Variants in RBFOX3 observed in about 807,000 individuals in gnomAD.
The protein encoded by RBFOX3 is RNA binding protein fox-1 homolog 3.
Under a neutral mutation model 48.7 loss-of-function variants are expected in RBFOX3, and 17 were observed. That is an observed-to-expected ratio of 0.35 (90% CI 0.24 to 0.52). RBFOX3 has a LOEUF of 0.52. Among genes scored for constraint, RBFOX3 ranks in the 20% least tolerant of loss-of-function variants. RBFOX3 has a pLI of 0.94. For missense variants in RBFOX3, 382 were observed against 497.5 expected, an observed-to-expected ratio of 0.77 and a Z score of 2.21; for synonymous variants, 212 against 209.5, an observed-to-expected ratio of 1.01 and a Z score of -0.10.
intron 1 of RBFOX3, among the ~76,000 whole-genome samples, chr17:79,495,297 CA>C (rs1182694465): frequency 1.7e-4 from 7 of 41,792 alleles, no homozygotes; most frequent in Non-Finnish European, 2.5e-4. Flanking sequence ...TCGTGAACAC[CA>C]TGGGGGAAGC....
chr17:79,463,813 C>G (rs2075935852), intron 2 of RBFOX3, among the ~76,000 whole-genome samples: 1 of 151,336 alleles, frequency 6.6e-6, no homozygotes, highest in Admixed American at 6.6e-5. Context: ...CCACTGCCAC[C>G]TCCACCGCCA....
At chr17:79,147,045 C>CCAGCCTCCGGGTGTCCCGGGGT (rs1295130061) in intron 4 of RBFOX3, among the ~76,000 whole-genome samples, 3 of 152,342 alleles carry the variant, frequency 2.0e-5, no homozygotes, top group South Asian at 2.1e-4. Context: ...AGAAACTGCA[C>CCAGCCTCCGGGTGTCCCGGGGT]CAGCCTCCGG....
Position 79,144,336 on chromosome 17 carries a change from G to A in RBFOX3, c.-33-28588C>T, listed in dbSNP as rs77163303. Among the ~76,000 whole-genome samples the A allele has an allele frequency of 4.5e-3, 680 of 152,084 alleles. 10 individuals carry two copies. The highest frequency in any genetic ancestry group is 0.015 in the African/African-American group (631 of 41,496). On this transcript the variant is annotated intron_variant, in intron 4 of 14. Coordinates refer to ENST00000693108, the MANE Select transcript of RBFOX3 (RefSeq NM_001350451.2). The stretch of plus-strand genomic sequence containing the variant: ...AAAATGTGCCAAGATTTTGCAGGAC[G>A]GCCACGGAGGGTGGGGTGGGCAGAG...
chr17:79,488,931 G>A (rs2080069558), intron 1 of RBFOX3, among the ~76,000 whole-genome samples: 1 of 152,216 alleles, frequency 6.6e-6, no homozygotes, highest in Non-Finnish European at 1.5e-5. Context: ...TAGCATAGGG[G>A]ACTCTGAGAC....
chr17:79,462,986 G>A (rs917303181), intron 2 of RBFOX3, among the ~76,000 whole-genome samples: 14 of 149,976 alleles, frequency 9.3e-5, no homozygotes, highest in East Asian at 3.9e-4. Context: ...CACCACCATC[G>A]CCACTGCCAC....
intron 2 of RBFOX3, among the ~76,000 whole-genome samples, chr17:79,441,695 G>A (rs955174695): frequency 3.9e-5 from 6 of 152,200 alleles, no homozygotes; most frequent in African/African-American, 1.4e-4. Flanking sequence ...GCGGTCATCA[G>A]TTACAGCAAC....
Position 79,215,228 on chromosome 17 carries a change from C to T in RBFOX3, c.-34+20538G>A, listed in dbSNP as rs571745196. Among the ~76,000 whole-genome samples, 7 of 152,314 alleles carry T rather than the reference C, an allele frequency of 4.6e-5. No homozygotes were observed. The South Asian group carries it at 1.0e-3, about 23-fold the overall frequency. On this transcript the variant is annotated intron_variant, in intron 4 of 14. Coordinates refer to ENST00000693108, the MANE Select transcript of RBFOX3 (RefSeq NM_001350451.2). ...CTCCCAGGCCCCAGACTGCATGCTG[C>T]CGCCCTCGTGCAGCTCTGAGCTGAG...
At chr17:79,507,744 G>T (rs1306426309) in intron 1 of RBFOX3, among the ~76,000 whole-genome samples, 1 of 152,136 alleles carries the variant, frequency 6.6e-6, no homozygotes, top group East Asian at 1.9e-4. Flanking sequence ...AGTTTCCAGA[G>T]ACTTCTCTAA....
intron 2 of RBFOX3, among the ~76,000 whole-genome samples, chr17:79,389,767 G>C (rs1024540020): frequency 8.5e-5 from 13 of 152,334 alleles, no homozygotes; most frequent in African/African-American, 3.1e-4. Flanking sequence ...AGTGCTCAGT[G>C]GTTCATCAGC....
rs572646999 is a variant in RBFOX3 at position 79,141,697 on chromosome 17, TG to T, written c.-33-25950del. Reference sequence around the variant, plus strand: ...TCCCTCGGTAAGTCCTTCACCTCCCTGGGGGTCCTGTTTCCTCATCTGTAAA... The same window carrying T: ...TCCCTCGGTAAGTCCTTCACCTCCCTGGGGTCCTGTTTCCTCATCTGTAAA... On this transcript the variant is annotated intron_variant, in intron 4 of 14. Coordinates refer to ENST00000693108, the MANE Select transcript of RBFOX3 (RefSeq NM_001350451.2). 1.6e-3 allele frequency among the ~76,000 whole-genome samples: 237 copies of T among 152,280 alleles called. 1 individual carries two copies. The highest frequency in any genetic ancestry group is 5.4e-3 in the African/African-American group (226 of 41,544).
chr17:79,501,123 T>A (rs2149730017), intron 1 of RBFOX3, among the ~76,000 whole-genome samples: 1 of 152,238 alleles, frequency 6.6e-6, no homozygotes, highest in East Asian at 1.9e-4. Context: ...GGCTCAAAGG[T>A]CGATTTTCCA....
intron 4 of RBFOX3, among the ~76,000 whole-genome samples, chr17:79,142,907 C>T (rs903360521): frequency 2.6e-5 from 4 of 152,140 alleles, no homozygotes; most frequent in Non-Finnish European, 4.4e-5. Context: ...CTGAAGACCA[C>T]GGCCTCCCAC....
chr17:79,626,324 GC>G, the RBFOX3 span, among the ~76,000 whole-genome samples: 7 of 152,220 alleles, frequency 4.6e-5, no homozygotes, highest in Admixed American at 1.3e-4. Context: ...ACTTCTCTTT[GC>G]TTATTAACAA....
intron 3 of RBFOX3, among the ~76,000 whole-genome samples, chr17:79,267,453 C>T (rs902768109): frequency 5.3e-5 from 8 of 151,976 alleles, no homozygotes; most frequent in Non-Finnish European, 8.8e-5. Flanking sequence ...TACAGTGGCG[C>T]GATCTCGGCT....
rs80198744 is a variant in RBFOX3, at chr17:79,115,650, G to A, written c.66C>T (p.Tyr22=). 0.18 allele frequency: 222,420 copies of A among 1,240,958 alleles called. 18,620 individuals carry two copies. Among genetic ancestry groups the A allele is most frequent in the East Asian group, 0.34 (8,625 of 25,146 alleles). The allele number at this position is 1,240,958 out of a possible 1,614,324, so 76.9% of individuals were successfully genotyped here. A position where few individuals can be genotyped will look rare whatever the true frequency, so the allele number is the denominator to read the frequency against. The change falls in exon 5 of 15, where the codon TAC becomes TAT. Residue 22 remains tyrosine, a synonymous_variant. Coordinates refer to ENST00000693108, the MANE Select transcript of RBFOX3 (RefSeq NM_001350451.2). The part of the protein sequence containing the change: ...PPPQNGIPAE[Y]APPPPHPTQD... ...GCGTGGGGTGCGGTGGGGGCGGGGC[G>A]TACTCGGCAGGGATGCCGTTCTGTG...
chr17:79,266,343 G>A (rs1392031599), intron 3 of RBFOX3, among the ~76,000 whole-genome samples: 1 of 152,212 alleles, frequency 6.6e-6, no homozygotes, highest in Non-Finnish European at 1.5e-5. Flanking sequence ...CACCTTGTTT[G>A]CTTCAGCTTC....
At chr17:79,636,932 C>G in the RBFOX3 span, among the ~76,000 whole-genome samples, 2 of 152,080 alleles carry the variant, frequency 1.3e-5, no homozygotes, top group African/African-American at 4.8e-5. Context: ...CTCGTTTTAG[C>G]TTTAAGGATG....
the RBFOX3 span, among the ~76,000 whole-genome samples, chr17:79,633,430 A>G: frequency 6.6e-6 from 1 of 152,142 alleles, no homozygotes; most frequent in African/African-American, 2.4e-5. Context: ...ACGCGTGTCC[A>G]CCGTAGGGAG....
chr17:79,498,320 A>AG (rs2081868010), intron 1 of RBFOX3, among the ~76,000 whole-genome samples: 1 of 152,164 alleles, frequency 6.6e-6, no homozygotes, highest in Non-Finnish European at 1.5e-5. Flanking sequence ...AGCTTCATGA[A>AG]GGGGGAAGAC....
Sources: gnomAD v4.1 joint callset for allele counts (sites outside exome capture counted in the v4.1 genomes callset) on GRCh38, gnomAD v4.1.1 for gene constraint, MANE v1.5 for transcripts, NCBI Gene and HGNC (gene_info 2026-07-23, HGNC 2026-07-21) for gene names.